The following PLEKHG5 variants were observed in gnomAD, a reference collection of about 807,000 sequenced individuals.
The protein encoded by PLEKHG5 is pleckstrin homology domain-containing family G member 5.
Under a neutral mutation model 103.8 loss-of-function variants are expected in PLEKHG5, and 52 were observed. The ratio of observed to expected loss-of-function variants is 0.50; its 90% CI spans 0.40 to 0.63. PLEKHG5 has a LOEUF of 0.63. PLEKHG5 is among the 30% of genes least tolerant of loss of function. The probability of loss-of-function intolerance (pLI) is 0.00; values close to 1 mark genes in which losing one functional copy is unlikely to be tolerated. For missense variants in PLEKHG5, 1,205 were observed against 1,347.6 expected, an observed-to-expected ratio of 0.89 and a Z score of 1.66; for synonymous variants, 592 against 575.5, an observed-to-expected ratio of 1.03 and a Z score of -0.41.
intron 1 of PLEKHG5, among the ~76,000 whole-genome samples, chr1:6,503,276 GCCTGGTGGTGTGCA>G (rs1237505615): frequency 6.6e-6 from 1 of 152,162 alleles, no homozygotes; most frequent in African/African-American, 2.4e-5. Flanking sequence ...AACCAGCAGG[GCCTGGTGGTGTGCA>G]CCTGCAGTCC....
Position 6,490,728 on chromosome 1 carries a change from A to G in PLEKHG5, c.-88+909T>C, listed in dbSNP as rs559888989. The G allele has an allele frequency of 4.7e-6, 2 of 426,030 alleles. No individual in the cohort carries two copies. The highest frequency in any genetic ancestry group is 2.0e-4 in the South Asian group (2 of 10,192). 26.4% of individuals were successfully genotyped at this position (426,030 alleles called of 1,614,324 possible). A position where few individuals can be genotyped will look rare whatever the true frequency, so the allele number is the denominator to read the frequency against. On this transcript the variant is annotated intron_variant, in intron 1 of 20. Transcript: ENST00000377728. This position sits in a 1 kb window ranked among gnomAD's most constrained non-coding sequence, Gnocchi z 8.0. ...GCGCCGGAGCCAGGGAGGTGGCTGGAGGCCGGGCGGTGGCTTGGGGTAATC... is the reference window on the plus strand; with the variant it reads ...GCGCCGGAGCCAGGGAGGTGGCTGGGGGCCGGGCGGTGGCTTGGGGTAATC...
chr1:6,480,299 C>T (rs58617762), intron 1 of PLEKHG5, among the ~76,000 whole-genome samples: 2,187 of 151,838 alleles, frequency 0.014, 19 homozygotes, highest in Middle Eastern at 0.048. Flanking sequence ...GAGGCCGAGG[C>T]GGGTGGATTG....
At chr1:6,489,269 G>A (rs556599978) in intron 1 of PLEKHG5, among the ~76,000 whole-genome samples, 2 of 152,280 alleles carry the variant, frequency 1.3e-5, no homozygotes, top group South Asian at 2.1e-4. Flanking sequence ...TTTGCCAGGC[G>A]GCTCTCTACG....
At chr1:6,488,752 C>T (rs1161912574) in intron 1 of PLEKHG5, among the ~76,000 whole-genome samples, 1 of 152,122 alleles carries the variant, frequency 6.6e-6, no homozygotes, top group African/African-American at 2.4e-5. Flanking sequence ...CCAAGAAGTC[C>T]TGGCCCCCAA....
At chr1:6,485,304 G>C (rs1645001468) in intron 1 of PLEKHG5, 5 of 1,355,310 alleles carry the variant, frequency 3.7e-6, no homozygotes, top group Non-Finnish European at 4.7e-6. Flanking sequence ...CCCCGTTCCC[G>C]CCCCGTCCCG....
At position 6,470,887 on chromosome 1, in the gene PLEKHG5, G is replaced by T. The variant is rs1450532124; in HGVS notation, c.1393-3C>A. On this transcript the variant is annotated splice_polypyrimidine_tract_variant and splice_region_variant and intron_variant, in intron 13 of 20. Coordinates refer to ENST00000377728, the MANE Select transcript of PLEKHG5 (RefSeq NM_020631.6). ...CACTGTGGGTGCTTCTCCGCCCACTGCGGTGGGGGAGTGGGGGCGGGCTCA... is the reference window on the plus strand; with the variant it reads ...CACTGTGGGTGCTTCTCCGCCCACTTCGGTGGGGGAGTGGGGGCGGGCTCA... The T allele has an allele frequency of 1.3e-5, 20 of 1,482,696 alleles. No homozygotes were observed. The highest frequency in any genetic ancestry group is 1.7e-5 in the Non-Finnish European group (19 of 1,122,924). 91.8% of individuals were successfully genotyped at this position (1,482,696 alleles called of 1,614,324 possible).
chr1:6,500,960 C>T (rs963032339), upstream of PLEKHG5, among the ~76,000 whole-genome samples: 8 of 152,200 alleles, frequency 5.3e-5, no homozygotes, highest in African/African-American at 1.9e-4. Flanking sequence ...CAGAACTGGG[C>T]CTCGGGGCGC....
In PLEKHG5 at chr1:6,512,210, C is replaced by T. The variant is rs555907368; in HGVS notation, c.-165+7235G>A. 3.3e-3 allele frequency among the ~76,000 whole-genome samples: 506 copies of T among 152,318 alleles called. 3 individuals carry two copies. The highest frequency in any genetic ancestry group is 0.01 in the Middle Eastern group (3 of 294). On this transcript the variant is annotated intron_variant, in intron 1 of 21. Coordinates refer to the PLEKHG5 transcript ENST00000377740. ...TGCTGCCGCAGGGTCTGTCCACCAC[C>T]CTCCATACCATTGGCTCCTCCTTCA...
chr1:6,473,412 C>T lies in PLEKHG5; in HGVS notation c.634G>A (p.Glu212Lys), dbSNP rs1165787489. The T allele has an allele frequency of 1.3e-6, 2 of 1,542,440 alleles. No homozygotes were observed. Among genetic ancestry groups the T allele is most frequent in the South Asian group, 2.4e-5 (2 of 83,766 alleles). ...RRKNMSEFLG[E>K]ASIPGQEPPT... ...GGCTCCTGCCCGGGGATGCTCGCCTCCCCCAGGAACTCCGACATGTTCTTG... is the reference window on the plus strand; with the variant it reads ...GGCTCCTGCCCGGGGATGCTCGCCTTCCCCAGGAACTCCGACATGTTCTTG... The change falls in exon 8 of 21, where the codon GAG becomes AAG. Residue 212 changes from glutamate to lysine, a missense_variant. By Grantham distance (56) the Glu-to-Lys change is moderately conservative. Coordinates refer to ENST00000377728, the MANE Select transcript of PLEKHG5 (RefSeq NM_020631.6).
intron 1 of PLEKHG5, among the ~76,000 whole-genome samples, 165 bp from the exon 2 acceptor site, chr1:6,477,823 C>T (rs1017577321): frequency 6.6e-6 from 1 of 151,422 alleles, no homozygotes; most frequent in Non-Finnish European, 1.5e-5. Flanking sequence ...CAAGTTTCCC[C>T]TCTGCTGGAT....
chr1:6,477,685 A>G lies in PLEKHG5; in HGVS notation c.-87-27T>C, dbSNP rs368754100. On this transcript the variant is annotated intron_variant, in intron 1 of 20. Transcript: ENST00000377728. ...TGGGGTGGGGACAGAAGCCTTCAGG[A>G]GGTCCACGAGATCCACCACATCCCT... is the stretch of plus-strand genomic sequence containing the variant. 5.4e-5 allele frequency: 87 copies of G among 1,597,882 alleles called. No individual in the cohort carries two copies. The African/African-American group carries it at 1.1e-3, about 20-fold the overall frequency.
At chr1:6,492,498 T>C (rs1413140306), upstream of PLEKHG5, among the ~76,000 whole-genome samples, 1 of 152,062 alleles carries the variant, frequency 6.6e-6, no homozygotes, top group East Asian at 1.9e-4. Flanking sequence ...TCCACCTGTG[T>C]GCAAGAAGCT....
intron 8 of PLEKHG5, 37 bp from the exon 9 acceptor site, chr1:6,473,211 C>T (rs368545387): frequency 6.2e-7 from 1 of 1,612,408 alleles, no homozygotes; most frequent in Non-Finnish European, 8.5e-7. Flanking sequence ...GGGGTCATGG[C>T]CAGCCAGCTG....
upstream of PLEKHG5, chr1:6,496,526 G>T (rs1269572757): frequency 3.1e-6 from 5 of 1,603,864 alleles, no homozygotes; most frequent in Non-Finnish European, 3.4e-6. Flanking sequence ...TGCAGGCGGG[G>T]TTCTGACAGC....
At chr1:6,516,866 G>GTGTA (rs1288870331) in intron 1 of PLEKHG5, among the ~76,000 whole-genome samples, 2 of 25,826 alleles carry the variant, frequency 7.7e-5, no homozygotes, top group African/African-American at 1.3e-4. Flanking sequence ...GTATATATGT[G>GTGTA]TATATATATA....
intron 1 of PLEKHG5, among the ~76,000 whole-genome samples, chr1:6,512,464 G>T (rs939864061): frequency 6.6e-6 from 1 of 152,172 alleles, no homozygotes; most frequent in Admixed American, 6.5e-5. Context: ...CGAGTGTGTG[G>T]GGGGCAGGGA....
intron 20 of PLEKHG5, 40 bp downstream of exon 20, chr1:6,467,785 G>A: frequency 6.2e-7 from 1 of 1,607,656 alleles, no homozygotes; most frequent in Non-Finnish European, 8.5e-7. Flanking sequence ...CCATGCCAGT[G>A]CCCTGAGCCA....
Position 6,469,358 on chromosome 1 carries a change from C to T in PLEKHG5, c.2026G>A (p.Val676Met), listed in dbSNP as rs1467418233. Reference protein sequence around the residue: ...ASGQALCRGWVDTIYNAQNQL... With the variant: ...ASGQALCRGWMDTIYNAQNQL... ...ACCTGGGCATTGTAAATGGTGTCCA[C>T]CCAGCCACGGCACAAGGCCTGGCCA... is the stretch of plus-strand genomic sequence containing the variant. Residue 676 changes from valine to methionine, a missense_variant, in exon 18 of 21, where the codon GTG (valine) becomes ATG (methionine). Transcript: ENST00000377728. The T allele has an allele frequency of 1.2e-6, 2 of 1,614,026 alleles. No individual in the cohort carries two copies. The highest frequency in any genetic ancestry group is 1.3e-5 in the African/African-American group (1 of 74,948).
At chr1:6,479,563 C>T (rs899158724) in intron 1 of PLEKHG5, among the ~76,000 whole-genome samples, 3 of 151,384 alleles carry the variant, frequency 2.0e-5, no homozygotes, top group South Asian at 2.1e-4. Flanking sequence ...TGGGATTACA[C>T]GCGTGAGCCA....
Sources: gnomAD v4.1 joint callset for allele counts (sites outside exome capture counted in the v4.1 genomes callset) on GRCh38, gnomAD v4.1.1 for gene constraint, Gnocchi (gnomAD v3.1) non-coding constraint, MANE v1.5 for transcripts, NCBI Gene and HGNC (gene_info 2026-07-23, HGNC 2026-07-21) for gene names.